Variants in TTC23 observed in about 807,000 individuals in gnomAD.
TTC23 encodes tetratricopeptide repeat protein 23.
In TTC23, 58 loss-of-function variants were observed where a neutral mutation model predicts 55.1. The observed-to-expected ratio is 1.05, with a 90% CI of 0.85 to 1.31. TTC23 has a LOEUF of 1.31. Among genes scored for constraint, TTC23 ranks in the 50% most tolerant of loss-of-function variants. TTC23 has a pLI of 0.00. For synonymous variants in TTC23, 203 were observed against 199.9 expected, an observed-to-expected ratio of 1.02 and a Z score of -0.13; for missense variants, 516 against 534.4, an observed-to-expected ratio of 0.97 and a Z score of 0.34.
rs186248218 is a variant in TTC23 at position 99,197,559 on chromosome 15, C to A, written c.759+2360G>T. Among the ~76,000 whole-genome samples, 301 of 152,198 alleles carry A rather than the reference C, an allele frequency of 2.0e-3. 2 individuals carry two copies. Among genetic ancestry groups the A allele is most frequent in the Middle Eastern group, 6.8e-3 (2 of 294 alleles). The stretch of plus-strand genomic sequence containing the variant: ...GGCACTGTGCTAAGCTCTTTACAAA[C>A]TTATTTATCCTCTCTAGAATTCTAT... On this transcript the variant is annotated intron_variant, in intron 9 of 13. Coordinates refer to ENST00000394132, the MANE Select transcript of TTC23 (RefSeq NM_001288615.3).
chr15:99,181,531 A>G (rs1029978260), intron 9 of TTC23, among the ~76,000 whole-genome samples: 1 of 152,166 alleles, frequency 6.6e-6, no homozygotes, highest in Non-Finnish European at 1.5e-5. Flanking sequence ...TGGAGGTGTG[A>G]GCTTGCTGTT....
At chr15:99,174,937 G>C in intron 10 of TTC23, 113 bp downstream of exon 10, 1 of 767,428 alleles carries the variant, frequency 1.3e-6, no homozygotes, top group Non-Finnish European at 2.1e-6. Flanking sequence ...AACAAGGAAG[G>C]CTCTGTGGCG....
At chr15:99,197,297 T>A (rs1436610058) in intron 9 of TTC23, among the ~76,000 whole-genome samples, 1 of 151,740 alleles carries the variant, frequency 6.6e-6, no homozygotes, top group Non-Finnish European at 1.5e-5. Flanking sequence ...AGAGATGGGG[T>A]TTCACCATGT....
intron 8 of TTC23, among the ~76,000 whole-genome samples, chr15:99,209,632 G>A (rs2076882567): frequency 6.6e-6 from 1 of 152,178 alleles, no homozygotes; most frequent in Non-Finnish European, 1.5e-5. Context: ...CCACTACACA[G>A]AGAGGACTAA....
chr15:99,139,427 G>A (rs1248930544), intron 12 of TTC23, 28 bp from the exon 13 acceptor site: 4 of 1,613,916 alleles, frequency 2.5e-6, no homozygotes, highest in African/African-American at 2.7e-5. Context: ...GCTATCATGA[G>A]GCTATGGAAG....
At chr15:99,207,540 A>C (rs1268207632) in intron 8 of TTC23, among the ~76,000 whole-genome samples, 9 of 152,188 alleles carry the variant, frequency 5.9e-5, no homozygotes, top group Admixed American at 1.3e-4. Flanking sequence ...CAGGTGGATC[A>C]CTTGAGGTCA....
intron 10 of TTC23, among the ~76,000 whole-genome samples, chr15:99,168,884 C>T (rs1473042168): frequency 2.6e-5 from 4 of 152,190 alleles, no homozygotes; most frequent in African/African-American, 7.2e-5. Context: ...GATGGGACAA[C>T]TCCCTCTCTG....
intron 9 of TTC23, among the ~76,000 whole-genome samples, chr15:99,189,329 T>A (rs1261894071): frequency 6.6e-6 from 1 of 152,216 alleles, no homozygotes; most frequent in East Asian, 1.9e-4. Context: ...GGAAAATAAT[T>A]ATTTTACAAC....
At chr15:99,222,069 G>T (rs544773384) in intron 5 of TTC23, among the ~76,000 whole-genome samples, 9 of 152,204 alleles carry the variant, frequency 5.9e-5, no homozygotes, top group Admixed American at 2.0e-4. Flanking sequence ...AGATGAAACA[G>T]ACAATAAACA....
In TTC23 at chr15:99,139,406, A is replaced by G; in HGVS notation, c.1144-7T>C. The G allele has an allele frequency of 6.2e-7, 1 of 1,614,140 alleles. No individual in the cohort carries two copies. The highest frequency in any genetic ancestry group is 8.5e-7 in the Non-Finnish European group (1 of 1,180,014). ...GGGTCTGGATCTGGAGACACTGTAG[A>G]ACACCAAGCAGCTATCATGAGGCTA... On this transcript the variant is annotated splice_polypyrimidine_tract_variant and splice_region_variant and intron_variant, in intron 12 of 13. Transcript: ENST00000394132.
rs142843508 is a variant in TTC23, at chr15:99,204,039, G to T, written c.582-3943C>A. ...AATGAGATGGCTGGATCATATGGTAGTTTTATTATTAGTTTTCTGAGGAAC... is the reference window on the plus strand; with the variant it reads ...AATGAGATGGCTGGATCATATGGTATTTTTATTATTAGTTTTCTGAGGAAC... On this transcript the variant is annotated intron_variant, in intron 8 of 13. Coordinates refer to ENST00000394132, the MANE Select transcript of TTC23 (RefSeq NM_001288615.3). Among the ~76,000 whole-genome samples, 313 of 152,198 alleles carry T rather than the reference G, an allele frequency of 2.1e-3. 4 individuals are homozygous for T. Among genetic ancestry groups the T allele is most frequent in the East Asian group, 5.4e-3 (28 of 5,182 alleles).
chr15:99,226,839 T>TAGCACTTATCACAG (rs1313650993), intron 5 of TTC23, among the ~76,000 whole-genome samples: 3 of 152,184 alleles, frequency 2.0e-5, no homozygotes, highest in African/African-American at 7.2e-5. Flanking sequence ...ATGTCCTCCT[T>TAGCACTTATCACAG]AGCACTTATC....
intron 2 of TTC23, among the ~76,000 whole-genome samples, chr15:99,244,588 GA>G (rs2152102024): frequency 6.6e-6 from 1 of 152,122 alleles, no homozygotes; most frequent in African/African-American, 2.4e-5. Context: ...TTTAACAAAA[GA>G]AATACAAGAC....
chr15:99,194,552 C>CAAAAAA (rs760038465), intron 9 of TTC23, among the ~76,000 whole-genome samples: 16 of 40,438 alleles, frequency 4.0e-4, no homozygotes, highest in Non-Finnish European at 5.0e-4. Context: ...ACATCACGTG[C>CAAAAAA]AAAAAAAAAA....
At chr15:99,172,514 G>A (rs564088795) in intron 10 of TTC23, among the ~76,000 whole-genome samples, 22 of 152,296 alleles carry the variant, frequency 1.4e-4, no homozygotes, top group African/African-American at 5.1e-4. Flanking sequence ...CATGTGAAGT[G>A]CCAGACCCTA....
intron 5 of TTC23, among the ~76,000 whole-genome samples, chr15:99,225,426 A>G (rs1205634845): frequency 6.6e-6 from 1 of 152,176 alleles, no homozygotes; most frequent in Non-Finnish European, 1.5e-5. Flanking sequence ...AAGGCTGGAA[A>G]GTCGAGATGA....
At chr15:99,175,998 A>T (rs2073505770) in intron 9 of TTC23, among the ~76,000 whole-genome samples, 1 of 152,128 alleles carries the variant, frequency 6.6e-6, no homozygotes, top group South Asian at 2.1e-4. Flanking sequence ...CTCAAAAAAT[A>T]AAAGTTTTTA....
At chr15:99,246,842 C>A (rs2080287426) in intron 1 of TTC23, among the ~76,000 whole-genome samples, 1 of 152,078 alleles carries the variant, frequency 6.6e-6, no homozygotes. Context: ...ATTGCTTGAA[C>A]CCGGAAGGTG....
At chr15:99,152,851 G>A (rs576928617) in intron 12 of TTC23, among the ~76,000 whole-genome samples, 14 of 152,124 alleles carry the variant, frequency 9.2e-5, no homozygotes, top group Non-Finnish European at 1.6e-4. Flanking sequence ...AGGGTGGAGT[G>A]CAGTGGCATG....
Sources: gnomAD v4.1 joint callset for allele counts (sites outside exome capture counted in the v4.1 genomes callset) on GRCh38, gnomAD v4.1.1 for gene constraint, MANE v1.5 for transcripts, NCBI Gene and HGNC (gene_info 2026-07-23, HGNC 2026-07-21) for gene names.